SLC8A1: variants seen among roughly 807,000 people sequenced by gnomAD.
SLC8A1 encodes the protein sodium/calcium exchanger 1.
Under a neutral mutation model 68.3 loss-of-function variants are expected in SLC8A1, and 18 were observed. The ratio of observed to expected loss-of-function variants is 0.26; its 90% CI spans 0.18 to 0.39. The LOEUF (loss-of-function observed/expected upper bound fraction) is 0.39, where lower values mean the gene tolerates loss of function less well. Among genes scored for constraint, SLC8A1 ranks in the 10% least tolerant of loss-of-function variants. The probability of loss-of-function intolerance (pLI) is 1.00; values close to 1 mark genes in which losing one functional copy is unlikely to be tolerated. For synonymous variants in SLC8A1, 475 were observed against 415.5 expected, an observed-to-expected ratio of 1.14 and a Z score of -1.74; for missense variants, 985 against 1,156.7, an observed-to-expected ratio of 0.85 and a Z score of 2.15.
intron 6 of SLC8A1, among the ~76,000 whole-genome samples, chr2:40,140,713 T>A (rs942350627): frequency 2.0e-5 from 3 of 152,250 alleles, no homozygotes; most frequent in African/African-American, 7.2e-5. Flanking sequence ...AATTCATGCA[T>A]CTTTGTGTCC....
At chr2:40,191,919 G>A (rs926528838) in intron 2 of SLC8A1, among the ~76,000 whole-genome samples, 1 of 152,098 alleles carries the variant, frequency 6.6e-6, no homozygotes, top group East Asian at 1.9e-4. Flanking sequence ...GGAAGTCTGT[G>A]CTTTTGTTCA....
chr2:40,368,864 G>A (rs1348291529), intron 2 of SLC8A1, among the ~76,000 whole-genome samples: 1 of 151,980 alleles, frequency 6.6e-6, no homozygotes, highest in African/African-American at 2.4e-5. Context: ...AAACAGAATA[G>A]AGAACCCAGA....
intron 2 of SLC8A1, among the ~76,000 whole-genome samples, chr2:40,306,225 T>C (rs1466192786): frequency 6.6e-6 from 1 of 152,184 alleles, no homozygotes; most frequent in Non-Finnish European, 1.5e-5. Flanking sequence ...GGAATGCTCA[T>C]GTCGAGCAGC....
chr2:40,404,729 G>T, intron 2 of SLC8A1, among the ~76,000 whole-genome samples: 1 of 152,256 alleles, frequency 6.6e-6, no homozygotes, highest in African/African-American at 2.4e-5. Flanking sequence ...GCACGAGTGC[G>T]TTGCTTCCTA....
At chr2:40,325,520 A>G (rs1363159478) in intron 2 of SLC8A1, among the ~76,000 whole-genome samples, 1 of 152,142 alleles carries the variant, frequency 6.6e-6, no homozygotes, top group Non-Finnish European at 1.5e-5. Context: ...ACCTTTTCAT[A>G]TTTTGTATCT....
At chr2:40,125,177 C>A (rs1373562798) in intron 7 of SLC8A1, among the ~76,000 whole-genome samples, 1 of 152,118 alleles carries the variant, frequency 6.6e-6, no homozygotes, top group African/African-American at 2.4e-5. Flanking sequence ...CAGCTTTTTC[C>A]TGGTCCTTTT....
intron 1 of SLC8A1, among the ~76,000 whole-genome samples, chr2:40,463,887 CATAT>C (rs1553620612): frequency 2.8e-5 from 3 of 108,558 alleles, no homozygotes; most frequent in Non-Finnish European, 3.8e-5. Context: ...CACACACACA[CATAT>C]ATATATAGAG....
chr2:40,165,558 G>C (rs1195708410), intron 4 of SLC8A1, among the ~76,000 whole-genome samples: 1 of 152,184 alleles, frequency 6.6e-6, no homozygotes, highest in Non-Finnish European at 1.5e-5. Flanking sequence ...CCATATTTCT[G>C]TGAGACGCTT....
chr2:40,278,978 T>C lies in SLC8A1; in HGVS notation c.1809-101123A>G, dbSNP rs914003348. ...GGTCTTAATGGTTATTCCAGAGCCA[T>C]GGAATTTTAAATTTGATCTCAGATT... On this transcript the variant is annotated intron_variant, in intron 2 of 7. Transcript: ENST00000406785. 4.6e-5 allele frequency among the ~76,000 whole-genome samples: 7 copies of C among 152,318 alleles called. No individual in the cohort carries two copies. In the South Asian group the frequency reaches 6.2e-4, roughly 14 times the overall value.
intron 2 of SLC8A1, among the ~76,000 whole-genome samples, chr2:40,368,743 C>G (rs977941902): frequency 6.6e-6 from 1 of 151,892 alleles, no homozygotes; most frequent in African/African-American, 2.4e-5. Context: ...CTCTTTCCTC[C>G]CGCCCAATAT....
intron 2 of SLC8A1, among the ~76,000 whole-genome samples, chr2:40,300,356 C>T (rs778929242): frequency 1.3e-5 from 2 of 152,104 alleles, no homozygotes; most frequent in African/African-American, 4.8e-5. Context: ...ATACCTAATA[C>T]AAGGTCATGT....
intron 1 of SLC8A1, among the ~76,000 whole-genome samples, chr2:40,484,790 C>A (rs1033514763): frequency 2.0e-5 from 3 of 152,078 alleles, no homozygotes; most frequent in Admixed American, 6.5e-5. Context: ...AGATGTGGAC[C>A]ACTAACACAG....
intron 4 of SLC8A1, among the ~76,000 whole-genome samples, chr2:40,165,400 A>G (rs1573439542): frequency 6.6e-6 from 1 of 152,298 alleles, no homozygotes; most frequent in South Asian, 2.1e-4. Context: ...TGACCCTCAG[A>G]GATGGCGGAG....
chr2:40,246,861 T>C (rs1387301450), intron 2 of SLC8A1, among the ~76,000 whole-genome samples: 1 of 152,096 alleles, frequency 6.6e-6, no homozygotes, highest in Non-Finnish European at 1.5e-5. Flanking sequence ...TAAAGGAAAA[T>C]GGTTAGATGT....
chr2:40,480,035 G>T (rs1269675976), intron 1 of SLC8A1, among the ~76,000 whole-genome samples: 1 of 151,898 alleles, frequency 6.6e-6, no homozygotes, highest in East Asian at 1.9e-4. Context: ...GACTAACACA[G>T]GTCAAGAAAA....
chr2:40,154,473 TTTTTTC>T, intron 6 of SLC8A1, among the ~76,000 whole-genome samples: 1 of 42,586 alleles, frequency 2.3e-5, no homozygotes, highest in African/African-American at 4.7e-5. Context: ...CCGGCTAATT[TTTTTTC>T]TTTTCTTTTT....
chr2:40,212,018 T>TA (rs766768004), intron 2 of SLC8A1, among the ~76,000 whole-genome samples: 10 of 152,274 alleles, frequency 6.6e-5, no homozygotes, highest in Non-Finnish European at 1.3e-4. Flanking sequence ...AGAGCATAAA[T>TA]AAAACATTTT....
At chr2:40,141,706 A>G (rs1445533277) in intron 6 of SLC8A1, among the ~76,000 whole-genome samples, 1 of 152,222 alleles carries the variant, frequency 6.6e-6, no homozygotes, top group Non-Finnish European at 1.5e-5. Context: ...CCCAAAATTC[A>G]TATGATAAAG....
chr2:40,340,995 T>G (rs1348030625), intron 2 of SLC8A1, among the ~76,000 whole-genome samples: 1 of 152,210 alleles, frequency 6.6e-6, no homozygotes, highest in Non-Finnish European at 1.5e-5. Flanking sequence ...TACTATGAAC[T>G]GCTTTATGAG....
Sources: gnomAD v4.1 joint callset for allele counts (sites outside exome capture counted in the v4.1 genomes callset) on GRCh38, gnomAD v4.1.1 for gene constraint, MANE v1.5 for transcripts, NCBI Gene and HGNC (gene_info 2026-07-23, HGNC 2026-07-21) for gene names.